The following ANKDD1B variants were observed in gnomAD, a reference collection of about 807,000 sequenced individuals.
The protein encoded by ANKDD1B is ankyrin repeat and death domain-containing protein 1B.
In ANKDD1B, 57 loss-of-function variants were observed where a neutral mutation model predicts 59.7. The ratio of observed to expected loss-of-function variants is 0.95; its 90% CI spans 0.77 to 1.19. ANKDD1B has a LOEUF of 1.19. ANKDD1B is among the 50% of genes most tolerant of loss of function. ANKDD1B has a pLI of 0.00. For missense variants in ANKDD1B, 602 were observed against 641.9 expected (o/e 0.94, Z 0.67); for synonymous variants, 216 against 239.5 (o/e 0.90, Z 0.91).
intron 2 of ANKDD1B, among the ~76,000 whole-genome samples, chr5:75,617,465 A>C (rs1773743443): frequency 6.6e-6 from 1 of 152,164 alleles, no homozygotes; most frequent in Admixed American, 6.5e-5. Flanking sequence ...AGCGGAGGGA[A>C]AGTCCACTGC....
At chr5:75,648,402 A>G (rs1238527761) in intron 7 of ANKDD1B, among the ~76,000 whole-genome samples, 1 of 152,004 alleles carries the variant, frequency 6.6e-6, no homozygotes, top group Non-Finnish European at 1.5e-5. Flanking sequence ...GTTCCTGGGA[A>G]GGCTTCCCAG....
In ANKDD1B at chr5:75,660,888, G is replaced by A. The variant is rs6861207; in HGVS notation, c.1095+1507G>A. ...ACTGTCAGCAAAGATGACTGCTTCC[G>A]AAACTTGCAGTTTTCCCTTCCTTAT... On this transcript the variant is annotated intron_variant, in intron 10 of 13. Transcript: ENST00000601380. Among the ~76,000 whole-genome samples the A allele has an allele frequency of 9.6e-3, 1,463 of 152,198 alleles. 28 individuals carry two copies. Among genetic ancestry groups the A allele is most frequent in the African/African-American group, 0.033 (1,389 of 41,512 alleles).
chr5:75,641,038 GAAA>G (rs761104097), intron 7 of ANKDD1B, among the ~76,000 whole-genome samples: 30 of 152,064 alleles, frequency 2.0e-4, no homozygotes, highest in Non-Finnish European at 4.1e-4. Flanking sequence ...AGAAGACGCT[GAAA>G]AAAAAGTTTA....
At chr5:75,637,240 CAAAAAAAAAAAA>C (rs55640131) in intron 7 of ANKDD1B, among the ~76,000 whole-genome samples, 24 of 69,934 alleles carry the variant, frequency 3.4e-4, no homozygotes, top group Middle Eastern at 7.0e-3. Context: ...GACTCTGTCT[CAAAAAAAAAAAA>C]AAAAAAAAAA....
intron 7 of ANKDD1B, among the ~76,000 whole-genome samples, chr5:75,637,270 A>AAAAAAAAAAG (rs1561439319): frequency 2.1e-5 from 3 of 141,986 alleles, no homozygotes; most frequent in East Asian, 2.0e-4. Flanking sequence ...AAAAAAAAAA[A>AAAAAAAAAAG]AAAGAAAGAA....
At chr5:75,634,792 C>T in intron 5 of ANKDD1B, 106 bp from the exon 6 acceptor site, 1 of 677,620 alleles carries the variant, frequency 1.5e-6, no homozygotes, top group Non-Finnish European at 2.5e-6. Context: ...TGAAGAAGGG[C>T]CATCTTGGAC....
At chr5:75,651,565 C>T (rs1774832986) in intron 7 of ANKDD1B, among the ~76,000 whole-genome samples, 1 of 152,166 alleles carries the variant, frequency 6.6e-6, no homozygotes. Context: ...TGAATGTCTG[C>T]CTAGCACAGG....
At chr5:75,669,157 A>G in intron 12 of ANKDD1B, 95 bp from the exon 13 acceptor site, 1 of 1,177,910 alleles carries the variant, frequency 8.5e-7, no homozygotes, top group Non-Finnish European at 1.1e-6. Context: ...AGGCAAGCAA[A>G]CAGTCATTCA....
At chr5:75,624,852 G>C (rs1773948332) in intron 3 of ANKDD1B, among the ~76,000 whole-genome samples, 1 of 152,094 alleles carries the variant, frequency 6.6e-6, no homozygotes, top group Non-Finnish European at 1.5e-5. Flanking sequence ...TTTAACAAAT[G>C]GGATTATATC....
At chr5:75,620,195 T>C in intron 2 of ANKDD1B, 120 bp from the exon 3 acceptor site, 1 of 576,506 alleles carries the variant, frequency 1.7e-6, no homozygotes, top group South Asian at 2.3e-5. Flanking sequence ...AGGCAAAGAG[T>C]GGAGCCAAAC....
Position 75,612,207 on chromosome 5 carries a change from T to G in ANKDD1B, c.193+380T>G, listed in dbSNP as rs192380078. 4.3e-3 allele frequency among the ~76,000 whole-genome samples: 661 copies of G among 152,322 alleles called. 7 individuals carry two copies. Among genetic ancestry groups the G allele is most frequent in the African/African-American group, 0.015 (644 of 41,556 alleles). On this transcript the variant is annotated intron_variant, in intron 1 of 13. Coordinates refer to ENST00000601380, the MANE Select transcript of ANKDD1B (RefSeq NM_001276713.2). ...GTCAGTCACTTAATCTTTCTGCACT[T>G]AAGTTTTTAAAGCATGGAGTGGATC... is the stretch of plus-strand genomic sequence containing the variant.
At chr5:75,612,375 G>C (rs1773592983) in intron 1 of ANKDD1B, among the ~76,000 whole-genome samples, 1 of 110,692 alleles carries the variant, frequency 9.0e-6, no homozygotes, top group Non-Finnish European at 1.7e-5. Context: ...GGGTCTTGTT[G>C]CTCTGTTGCA....
At chr5:75,648,635 T>G (rs1249005173) in intron 7 of ANKDD1B, among the ~76,000 whole-genome samples, 1 of 152,068 alleles carries the variant, frequency 6.6e-6, no homozygotes. Context: ...TTTTTTAGCT[T>G]TTACTTTTAG....
chr5:75,612,484 C>T (rs1025298930), intron 1 of ANKDD1B, among the ~76,000 whole-genome samples: 1 of 152,044 alleles, frequency 6.6e-6, no homozygotes, highest in African/African-American at 2.4e-5. Flanking sequence ...CGGGGCACAC[C>T]ATCCAAGCCT....
intron 10 of ANKDD1B, among the ~76,000 whole-genome samples, chr5:75,661,439 A>T (rs1364475581): frequency 2.8e-5 from 4 of 143,516 alleles, no homozygotes; most frequent in Non-Finnish European, 6.0e-5. Context: ...ACACAGGCCC[A>T]CTGTGGACGA....
At chr5:75,638,676 G>T (rs568955819) in intron 7 of ANKDD1B, among the ~76,000 whole-genome samples, 91 of 152,082 alleles carry the variant, frequency 6.0e-4, no homozygotes, top group African/African-American at 2.1e-3. Flanking sequence ...TAGAAATAGG[G>T]TCTCATTATG....
At chr5:75,629,337 C>T (rs9293656) in intron 5 of ANKDD1B, among the ~76,000 whole-genome samples, 30,647 of 151,704 alleles carry the variant, frequency 0.2, 3,284 homozygotes, top group South Asian at 0.39. Flanking sequence ...GTTTCCCCTG[C>T]CTCAAGTGCC....
chr5:75,648,550 G>T (rs946839284), intron 7 of ANKDD1B, among the ~76,000 whole-genome samples: 1 of 152,156 alleles, frequency 6.6e-6, no homozygotes, highest in Non-Finnish European at 1.5e-5. Flanking sequence ...TGAGACTTCA[G>T]GCTCCATATT....
At chr5:75,638,465 G>A (rs998560630) in intron 7 of ANKDD1B, among the ~76,000 whole-genome samples, 40 of 152,142 alleles carry the variant, frequency 2.6e-4, no homozygotes, top group East Asian at 3.8e-4. Flanking sequence ...CTCTAGAGCC[G>A]TGGCTTCTAG....
Sources: gnomAD v4.1 joint callset for allele counts (sites outside exome capture counted in the v4.1 genomes callset) on GRCh38, gnomAD v4.1.1 for gene constraint, MANE v1.5 for transcripts, NCBI Gene and HGNC (gene_info 2026-07-23, HGNC 2026-07-21) for gene names.